Variants in GOT1 observed in about 807,000 individuals in gnomAD.
GOT1 encodes aspartate aminotransferase, cytoplasmic.
GOT1 carries 25 observed loss-of-function variants against 48.2 expected under a neutral mutation model. The observed-to-expected ratio is 0.52, with a 90% CI of 0.38 to 0.72. GOT1 has a LOEUF of 0.72. Among genes scored for constraint, GOT1 ranks in the 30% least tolerant of loss-of-function variants. GOT1 has a pLI of 0.00. For synonymous variants in GOT1, 188 were observed against 193.8 expected (o/e 0.97, Z 0.25); for missense variants, 380 against 520.1 (o/e 0.73, Z 2.62).
chr10:99,402,790 T>A lies in GOT1; in HGVS notation c.960-68A>T, dbSNP rs1489758334. 4.4e-6 allele frequency: 6 copies of A among 1,350,294 alleles called. No individual in the cohort carries two copies. In the African/African-American group the frequency reaches 8.6e-5, roughly 19 times the overall value. 83.6% of individuals were successfully genotyped at this position (1,350,294 alleles called of 1,614,324 possible). On this transcript the variant is annotated intron_variant, in intron 7 of 8. Coordinates refer to ENST00000370508, the MANE Select transcript of GOT1 (RefSeq NM_002079.3). ...AGATGGTACCCGAAAACACACAGGT[T>A]TAAAAACTCTAATTTAAACGACAGC...
intron 1 of GOT1, among the ~76,000 whole-genome samples, chr10:99,425,770 G>C (rs1258134086): frequency 3.3e-5 from 5 of 152,038 alleles, no homozygotes; most frequent in African/African-American, 1.2e-4. Context: ...AAAGATCAAG[G>C]GGAAGGTGGA....
At chr10:99,403,228 G>C (rs1049461266) in intron 7 of GOT1, among the ~76,000 whole-genome samples, 4 of 152,158 alleles carry the variant, frequency 2.6e-5, no homozygotes, top group Non-Finnish European at 5.9e-5. Context: ...GACTGGGTGG[G>C]GGGGGAAATT....
At chr10:99,428,984 A>ACC (rs2033075971) in intron 1 of GOT1, among the ~76,000 whole-genome samples, 1 of 151,616 alleles carries the variant, frequency 6.6e-6, no homozygotes, top group Non-Finnish European at 1.5e-5. Context: ...TCAACAAATT[A>ACC]CCCGCTTCAA....
chr10:99,405,427 T>C (rs960085809), intron 5 of GOT1, among the ~76,000 whole-genome samples: 1 of 152,014 alleles, frequency 6.6e-6, no homozygotes, highest in African/African-American at 2.4e-5. Flanking sequence ...CAATGACATG[T>C]ATATAAAGAA....
At chr10:99,404,499 A>G (rs114887603) in intron 5 of GOT1, among the ~76,000 whole-genome samples, 169 of 152,200 alleles carry the variant, frequency 1.1e-3, no homozygotes, top group African/African-American at 3.8e-3. Context: ...GCACTCCCCA[A>G]GTCTCATCAG....
intron 2 of GOT1, among the ~76,000 whole-genome samples, chr10:99,414,543 G>GT (rs2032869791): frequency 6.6e-6 from 1 of 152,064 alleles, no homozygotes; most frequent in Non-Finnish European, 1.5e-5. Flanking sequence ...AAGACAGAAA[G>GT]TTAACAAGGA....
intron 2 of GOT1, among the ~76,000 whole-genome samples, chr10:99,417,897 G>A (rs2032916922): frequency 6.6e-6 from 1 of 152,080 alleles, no homozygotes; most frequent in Non-Finnish European, 1.5e-5. Flanking sequence ...CACGGGTCCT[G>A]TTGTGGGGTG....
intron 2 of GOT1, among the ~76,000 whole-genome samples, chr10:99,412,214 G>A (rs985656176): frequency 1.3e-5 from 2 of 152,002 alleles, no homozygotes; most frequent in Non-Finnish European, 2.9e-5. Flanking sequence ...GACCTCTAGT[G>A]GAGTGAGGGG....
intron 1 of GOT1, among the ~76,000 whole-genome samples, chr10:99,426,368 C>T (rs1389548123): frequency 1.3e-5 from 2 of 152,200 alleles, no homozygotes; most frequent in Non-Finnish European, 2.9e-5. Flanking sequence ...TCATCTTCCT[C>T]CTAAGATCGC....
intron 2 of GOT1, among the ~76,000 whole-genome samples, chr10:99,411,081 G>A (rs937764517): frequency 6.6e-6 from 1 of 152,210 alleles, no homozygotes; most frequent in Admixed American, 6.5e-5. Context: ...CATCTCTCAC[G>A]GCATCTGGCA....
intron 8 of GOT1, among the ~76,000 whole-genome samples, chr10:99,398,281 A>G (rs1338154381): frequency 1.3e-5 from 2 of 152,190 alleles, no homozygotes; most frequent in African/African-American, 4.8e-5. Flanking sequence ...GTTTTCAGAA[A>G]TGCATCACAT....
At chr10:99,409,293 C>T (rs2032801686) in intron 2 of GOT1, among the ~76,000 whole-genome samples, 1 of 151,968 alleles carries the variant, frequency 6.6e-6, no homozygotes, top group South Asian at 2.1e-4. Flanking sequence ...CCACCACACC[C>T]AGCTAATTTT....
intron 2 of GOT1, among the ~76,000 whole-genome samples, chr10:99,410,395 G>A (rs1371150158): frequency 6.6e-6 from 1 of 152,164 alleles, no homozygotes; most frequent in African/African-American, 2.4e-5. Flanking sequence ...ATAGATACCA[G>A]TGGAAACATT....
intron 2 of GOT1, among the ~76,000 whole-genome samples, chr10:99,407,979 A>G (rs1408505418): frequency 1.3e-5 from 2 of 151,864 alleles, no homozygotes; most frequent in Non-Finnish European, 2.9e-5. Flanking sequence ...ACCCACCGAT[A>G]GGCCCCCGTG....
At chr10:99,400,866 A>G (rs796494161) in intron 8 of GOT1, among the ~76,000 whole-genome samples, 3 of 152,100 alleles carry the variant, frequency 2.0e-5, no homozygotes, top group South Asian at 4.1e-4. Context: ...GCTTGAATCC[A>G]GGAGGTGGAG....
At chr10:99,408,614 G>A (rs1342766851) in intron 2 of GOT1, among the ~76,000 whole-genome samples, 1 of 152,182 alleles carries the variant, frequency 6.6e-6, no homozygotes, top group African/African-American at 2.4e-5. Flanking sequence ...AGCTACTCGG[G>A]AGGCTGAGAC....
Position 99,397,554 on chromosome 10 carries a change from A to C in GOT1, c.1235T>G (p.Ile412Ser), listed in dbSNP as rs2032617022. The change falls in exon 9 of 9, where the codon ATC (isoleucine) becomes AGC (serine). Residue 412 changes from isoleucine to serine, a missense_variant. Coordinates refer to ENST00000370508, the MANE Select transcript of GOT1 (RefSeq NM_002079.3). This position sits in a 1 kb window ranked among gnomAD's most constrained non-coding sequence, Gnocchi z 5.4. ...TGGACGGGTGGTGTTTCTTCACTGGATTTTGGTGACTGCTTCATGGATGGA... is the reference window on the plus strand; with the variant it reads ...TGGACGGGTGGTGTTTCTTCACTGGCTTTTGGTGACTGCTTCATGGATGGA... ...ATSIHEAVTK[I>S]Q is the part of the protein sequence containing the mutation. 1.9e-6 allele frequency: 3 copies of C among 1,613,810 alleles called. No homozygotes were observed. In the African/African-American group the frequency reaches 4.0e-5, roughly 22 times the overall value.
chr10:99,430,560 T>C lies in GOT1; in HGVS notation c.6A>G (p.Ala2=). M[A]PPSVFAEVPQ... is the part of the protein sequence containing the mutation. ...GAACCTCGGCAAAGACTGACGGAGG[T>C]GCCATATCGAGAGACTAGGAATCAA... The change falls in exon 1 of 9, where the codon GCA becomes GCG. Residue 2 remains alanine (A), a synonymous_variant. Coordinates refer to ENST00000370508, the MANE Select transcript of GOT1 (RefSeq NM_002079.3). 1 of 1,599,158 alleles carries C rather than the reference T, an allele frequency of 6.3e-7. No homozygotes were observed. The highest frequency in any genetic ancestry group is 8.5e-7 in the Non-Finnish European group (1 of 1,171,646).
At chr10:99,410,239 T>A (rs762640033) in intron 2 of GOT1, among the ~76,000 whole-genome samples, 5 of 152,224 alleles carry the variant, frequency 3.3e-5, no homozygotes, top group Non-Finnish European at 5.9e-5. Context: ...TTTTATGGAT[T>A]TGTCATCCAG....
Sources: gnomAD v4.1 joint callset for allele counts (sites outside exome capture counted in the v4.1 genomes callset) on GRCh38, gnomAD v4.1.1 for gene constraint, Gnocchi (gnomAD v3.1) non-coding constraint, MANE v1.5 for transcripts, NCBI Gene and HGNC (gene_info 2026-07-23, HGNC 2026-07-21) for gene names.